The following RNF138 variants were observed in gnomAD, a reference collection of about 807,000 sequenced individuals.
RNF138 encodes ring finger protein 138.
A neutral mutation model predicts 31.0 loss-of-function variants in RNF138; 12 were observed. That is an observed-to-expected ratio of 0.39 (90% CI 0.25 to 0.63). The LOEUF (loss-of-function observed/expected upper bound fraction) is 0.63, where lower values mean the gene tolerates loss of function less well. Ranked by LOEUF, RNF138 falls within the 20% of genes least tolerant of loss-of-function variation. The pLI is 0.52. For missense variants in RNF138, 192 were observed against 300.1 expected (o/e 0.64, Z 2.66); for synonymous variants, 105 against 99.5 (o/e 1.06, Z -0.33).
intron 5 of RNF138, chr18:32,124,522 T>C (rs1209024542): frequency 9.1e-6 from 4 of 440,506 alleles, no homozygotes; most frequent in Non-Finnish European, 1.6e-5. Flanking sequence ...ATGAAAAAAT[T>C]TATTGAGGAC....
intron 2 of RNF138, among the ~76,000 whole-genome samples, chr18:32,097,977 T>TGTGTGTGTGTGTG (rs763759065): frequency 1.0e-3 from 51 of 49,760 alleles, no homozygotes; most frequent in South Asian, 6.3e-3. Context: ...TGTGTGTGTG[T>TGTGTGTGTGTGTG]TATTTTTGTT....
chr18:32,098,965 G>A (rs928759567), intron 2 of RNF138, among the ~76,000 whole-genome samples: 13 of 148,614 alleles, frequency 8.7e-5, no homozygotes, highest in African/African-American at 3.2e-4. Flanking sequence ...TTATCGACTC[G>A]GAAAATAGAT....
chr18:32,101,687 T>G (rs1460205711), intron 2 of RNF138, among the ~76,000 whole-genome samples: 1 of 152,196 alleles, frequency 6.6e-6, no homozygotes, highest in Non-Finnish European at 1.5e-5. Context: ...TCATGTTGCT[T>G]TCCCAAAAAT....
intron 5 of RNF138, 120 bp downstream of exon 5, chr18:32,123,694 C>G (rs553601167): frequency 6.3e-6 from 4 of 636,360 alleles, no homozygotes; most frequent in Non-Finnish European, 9.8e-6. Context: ...CTTTGTTTTC[C>G]CAGGCTGGAG....
At chr18:32,100,128 T>G (rs888436863) in intron 2 of RNF138, among the ~76,000 whole-genome samples, 1 of 152,074 alleles carries the variant, frequency 6.6e-6, no homozygotes, top group East Asian at 1.9e-4. Flanking sequence ...CTAGCACTGT[T>G]AGGTGCCAGG....
intron 2 of RNF138, among the ~76,000 whole-genome samples, chr18:32,108,815 T>C (rs1046390069): frequency 1.3e-5 from 2 of 152,132 alleles, no homozygotes; most frequent in Non-Finnish European, 2.9e-5. Flanking sequence ...ACTACAGGCA[T>C]GCACCACCGT....
rs191591861 is a variant in RNF138 at position 32,097,387 on chromosome 18, A to G, written c.110+4501A>G. Among the ~76,000 whole-genome samples the G allele has an allele frequency of 2.0e-5, 3 of 152,362 alleles. No homozygotes were observed. In the East Asian group the frequency reaches 5.8e-4, roughly 29 times the overall value. On this transcript the variant is annotated intron_variant, in intron 2 of 7. Transcript: ENST00000261593. ...AATGAACTTCTACTTCTTGTTAAGC[A>G]CAAATTTGTGTAATTTCCTATTTGA... is the stretch of plus-strand genomic sequence containing the variant.
chr18:32,129,110 T>C lies in RNF138; in HGVS notation c.670-9T>C, dbSNP rs1472086684. 8 of 1,597,284 alleles carry C rather than the reference T, an allele frequency of 5.0e-6. No individual in the cohort carries two copies. In the East Asian group the frequency reaches 1.3e-4, roughly 27 times the overall value. On this transcript the variant is annotated splice_polypyrimidine_tract_variant and intron_variant, in intron 7 of 7. Coordinates refer to ENST00000261593, the MANE Select transcript of RNF138 (RefSeq NM_016271.5). The stretch of plus-strand genomic sequence containing the variant: ...TTTTTCCTGTTGACATGAATGTTAT[T>C]GTTTTTAGAATCTTCAGCTAGATGA...
At chr18:32,114,258 T>A (rs1413856464) in intron 4 of RNF138, among the ~76,000 whole-genome samples, 1 of 152,194 alleles carries the variant, frequency 6.6e-6, no homozygotes, top group Non-Finnish European at 1.5e-5. Flanking sequence ...GACTTAGAGT[T>A]TGAAATTTTT....
In RNF138 at chr18:32,098,677, C is replaced by T. The variant is rs1478909234; in HGVS notation, c.110+5791C>T. ...ACCATCCTGGCTAACACAGTGAAAC[C>T]CTGTCTCTACTAAAAATACAAAAAA... On this transcript the variant is annotated intron_variant, in intron 2 of 7. Transcript: ENST00000261593. Among the ~76,000 whole-genome samples the T allele has an allele frequency of 5.9e-5, 9 of 151,814 alleles. No homozygotes were observed. In the East Asian group the frequency reaches 1.8e-3, roughly 30 times the overall value.
At chr18:32,092,926 C>A (rs762597705) in intron 2 of RNF138, 40 bp downstream of exon 2, 2 of 1,228,082 alleles carry the variant, frequency 1.6e-6, no homozygotes, top group Non-Finnish European at 1.1e-6. Context: ...GCCGGGTTGT[C>A]GCTTAGGCCC....
chr18:32,115,511 A>ACTTG (rs1381521298), intron 4 of RNF138, among the ~76,000 whole-genome samples: 1 of 152,144 alleles, frequency 6.6e-6, no homozygotes, highest in Non-Finnish European at 1.5e-5. Context: ...TTGGGAGGCC[A>ACTTG]AGGTGGGCAG....
rs1219736415 is a variant in RNF138, at chr18:32,112,012, T to A, written c.276+93T>A. 7.6e-6 allele frequency: 9 copies of A among 1,179,902 alleles called. No homozygotes were observed. The East Asian group carries it at 2.3e-4, about 30-fold the overall frequency. The allele number at this position is 1,179,902 out of a possible 1,614,324, so 73.1% of individuals were successfully genotyped here. A position where few individuals can be genotyped will look rare whatever the true frequency, so the allele number is the denominator to read the frequency against. On this transcript the variant is annotated intron_variant, in intron 3 of 7. Coordinates refer to ENST00000261593, the MANE Select transcript of RNF138 (RefSeq NM_016271.5). ...TTCTTGGTTGGTGTTTTTTTTTTTTTTGAAAAGATGAAAGGTATTTAGACT... is the reference window on the plus strand; with the variant it reads ...TTCTTGGTTGGTGTTTTTTTTTTTTATGAAAAGATGAAAGGTATTTAGACT...
chr18:32,112,334 G>T (rs1598855877), intron 3 of RNF138, among the ~76,000 whole-genome samples: 1 of 152,190 alleles, frequency 6.6e-6, no homozygotes, highest in African/African-American at 2.4e-5. Context: ...ATGGATTTAT[G>T]TAGTTTAAGG....
chr18:32,120,609 A>C (rs2040288350), intron 4 of RNF138, among the ~76,000 whole-genome samples: 1 of 152,236 alleles, frequency 6.6e-6, no homozygotes, highest in African/African-American at 2.4e-5. Flanking sequence ...TTCTGGGCTA[A>C]ATGAGCAGGC....
At chr18:32,117,662 C>T (rs2040239038) in intron 4 of RNF138, among the ~76,000 whole-genome samples, 1 of 152,156 alleles carries the variant, frequency 6.6e-6, no homozygotes, top group Non-Finnish European at 1.5e-5. Flanking sequence ...GCTATAACTT[C>T]CAGTTGAGCC....
chr18:32,114,831 T>G (rs2040188878), intron 4 of RNF138, among the ~76,000 whole-genome samples: 1 of 152,218 alleles, frequency 6.6e-6, no homozygotes, highest in Non-Finnish European at 1.5e-5. Flanking sequence ...GCACTTCATG[T>G]TGATCATACT....
chr18:32,125,688 T>G (rs534252735), intron 6 of RNF138, among the ~76,000 whole-genome samples: 9 of 152,282 alleles, frequency 5.9e-5, no homozygotes, highest in African/African-American at 1.9e-4. Context: ...ATTTAGCACT[T>G]TGGGAGGCCG....
intron 6 of RNF138, 45 bp downstream of exon 6, chr18:32,124,890 T>C (rs371730178): frequency 1.0e-6 from 1 of 954,506 alleles, no homozygotes; most frequent in African/African-American, 1.6e-5. Context: ...GAATAAAACA[T>C]GCTGTTCTAT....
Sources: allele counts gnomAD v4.1 joint callset (sites outside exome capture counted in the v4.1 genomes callset), GRCh38; gene constraint gnomAD v4.1.1; transcripts MANE v1.5; gene names NCBI Gene and HGNC (gene_info 2026-07-23, HGNC 2026-07-21).